Variants in OSBPL2 observed in about 807,000 individuals in gnomAD.
OSBPL2 encodes oxysterol binding protein like 2.
A neutral mutation model predicts 58.4 loss-of-function variants in OSBPL2; 18 were observed. The ratio of observed to expected loss-of-function variants is 0.31; its 90% CI spans 0.21 to 0.46. The LOEUF (loss-of-function observed/expected upper bound fraction) is 0.46. Among genes scored for constraint, OSBPL2 ranks in the 20% least tolerant of loss-of-function variants. The probability of loss-of-function intolerance (pLI) is 1.00; values close to 1 mark genes in which losing one functional copy is unlikely to be tolerated. For synonymous variants in OSBPL2, 221 were observed against 234.1 expected (o/e 0.94, Z 0.51); for missense variants, 461 against 616.5 (o/e 0.75, Z 2.67).
intron 9 of OSBPL2, among the ~76,000 whole-genome samples, chr20:62,282,788 A>G (rs1169635932): frequency 2.0e-5 from 3 of 152,216 alleles, no homozygotes; most frequent in African/African-American, 4.8e-5. Context: ...GATCACGCCA[A>G]TGCGCTCCAG....
At chr20:62,283,586 T>G (rs933292373) in intron 9 of OSBPL2, among the ~76,000 whole-genome samples, 3 of 152,172 alleles carry the variant, frequency 2.0e-5, no homozygotes, top group Admixed American at 1.3e-4. Context: ...CTGCACTGAT[T>G]GATAGAAAAG....
intron 3 of OSBPL2, 60 bp from the exon 4 acceptor site, chr20:62,263,556 C>T: frequency 7.8e-7 from 1 of 1,284,274 alleles, no homozygotes. Flanking sequence ...GCACAGCCTC[C>T]TTGAGTGGTC....
In OSBPL2 at chr20:62,272,277, C is replaced by T; in HGVS notation, c.393+18C>T. ...GGATGCAGGTGGGCCTTAGGGGTGC[C>T]AGGCAGGAGTTTGTCATGAAAGTGA... On this transcript the variant is annotated intron_variant, in intron 5 of 13. Transcript: ENST00000313733. 6.2e-7 allele frequency: 1 copy of T among 1,610,644 alleles called. No homozygotes were observed. Among genetic ancestry groups the T allele is most frequent in the Non-Finnish European group, 8.5e-7 (1 of 1,179,002 alleles).
At chr20:62,271,042 G>T (rs1300833035) in intron 4 of OSBPL2, among the ~76,000 whole-genome samples, 5 of 150,052 alleles carry the variant, frequency 3.3e-5, no homozygotes, top group South Asian at 4.3e-4. Context: ...GGTCTCTCTG[G>T]TCCTCTCCTT....
chr20:62,244,443 G>A (rs1027806769), intron 1 of OSBPL2, among the ~76,000 whole-genome samples: 4 of 152,234 alleles, frequency 2.6e-5, no homozygotes, highest in African/African-American at 9.6e-5. Flanking sequence ...ATGGCTTTCT[G>A]AGAGCAGGGC....
intron 6 of OSBPL2, among the ~76,000 whole-genome samples, chr20:62,275,549 G>T (rs1233953648): frequency 6.6e-6 from 1 of 152,102 alleles, no homozygotes; most frequent in Non-Finnish European, 1.5e-5. Flanking sequence ...CTGGGCTCAA[G>T]TTATCTTCCC....
At chr20:62,242,905 G>A (rs1390348097) in intron 1 of OSBPL2, among the ~76,000 whole-genome samples, 1 of 152,186 alleles carries the variant, frequency 6.6e-6, no homozygotes, top group African/African-American at 2.4e-5. Flanking sequence ...GTTGTGTGGA[G>A]TTTTGGTTCC....
intron 1 of OSBPL2, among the ~76,000 whole-genome samples, chr20:62,243,203 C>T (rs1979847428): frequency 6.6e-6 from 1 of 152,252 alleles, no homozygotes. Flanking sequence ...AGGACACGGG[C>T]TGCGTCTGTG....
At chr20:62,262,487 C>A (rs964623809) in intron 3 of OSBPL2, among the ~76,000 whole-genome samples, 8 of 152,244 alleles carry the variant, frequency 5.3e-5, no homozygotes, top group Non-Finnish European at 1.2e-4. Context: ...CCTGGTAGCA[C>A]CTCCGAATCA....
At chr20:62,249,320 A>G (rs2145918781) in intron 1 of OSBPL2, among the ~76,000 whole-genome samples, 1 of 152,334 alleles carries the variant, frequency 6.6e-6, no homozygotes, top group Middle Eastern at 3.4e-3. Context: ...TAGAAGTAGA[A>G]AAGGGAGAAG....
chr20:62,250,297 C>A (rs1458180363), intron 1 of OSBPL2, among the ~76,000 whole-genome samples: 2 of 152,188 alleles, frequency 1.3e-5, no homozygotes, highest in Non-Finnish European at 2.9e-5. Context: ...GAAGGAGACA[C>A]AGGGTGTGGT....
At chr20:62,247,531 C>G (rs1287918959) in intron 1 of OSBPL2, among the ~76,000 whole-genome samples, 1 of 152,200 alleles carries the variant, frequency 6.6e-6, no homozygotes, top group Non-Finnish European at 1.5e-5. Context: ...GTTTGAAAGT[C>G]TCTGCCAGTG....
Position 62,293,992 on chromosome 20 carries a change from C to T in OSBPL2, c.*105C>T. The stretch of plus-strand genomic sequence containing the variant: ...CAGCAGAAACCAACTTTTCTAACGA[C>T]TGAGTTCGCGGAGATAGCATCATCC... On this transcript the variant is annotated 3_prime_UTR_variant, in exon 14 of 14. Coordinates refer to ENST00000313733, the MANE Select transcript of OSBPL2 (RefSeq NM_144498.4). The T allele has an allele frequency of 6.9e-7, 1 of 1,452,808 alleles. No individual in the cohort carries two copies. 90.0% of individuals were successfully genotyped at this position (1,452,808 alleles called of 1,614,324 possible).
At chr20:62,268,575 C>T (rs1431298388) in intron 4 of OSBPL2, among the ~76,000 whole-genome samples, 2 of 152,156 alleles carry the variant, frequency 1.3e-5, no homozygotes, top group African/African-American at 4.8e-5. Context: ...TAGCAACATG[C>T]AGTGACTTCT....
In OSBPL2 at chr20:62,288,560, G is replaced by A. The variant is rs960840176; in HGVS notation, c.1126-647G>A. Among the ~76,000 whole-genome samples the A allele has an allele frequency of 4.6e-5, 7 of 150,982 alleles. No individual in the cohort carries two copies. Among genetic ancestry groups the A allele is most frequent in the African/African-American group, 1.5e-4 (6 of 40,942 alleles). On this transcript the variant is annotated intron_variant, in intron 11 of 13. Transcript: ENST00000313733. The surrounding 1 kb of genome is among the most constrained non-coding windows in gnomAD (Gnocchi z 4.8). ...CTGGGAGGCTGTGGGTGCAGAGGCC[G>A]GAGGCTGTGGGTGCAGAGGCTGGGA... is the stretch of plus-strand genomic sequence containing the variant.
intron 12 of OSBPL2, among the ~76,000 whole-genome samples, chr20:62,290,096 G>A (rs1983393615): frequency 6.6e-6 from 1 of 152,192 alleles, no homozygotes; most frequent in South Asian, 2.1e-4. Flanking sequence ...CACTCTCCCG[G>A]TGGGCTCTGT....
At position 62,286,590 on chromosome 20, in the gene OSBPL2, A is replaced by G. The variant is rs776484364; in HGVS notation, c.1004A>G (p.Asp335Gly). 1.2e-6 allele frequency: 2 copies of G among 1,612,628 alleles called. No homozygotes were observed. Among genetic ancestry groups the G allele is most frequent in the Non-Finnish European group, 1.7e-6 (2 of 1,179,176 alleles). ...CAGGGTTCTGTGTTTCAGGATGAAG[A>G]CTCCGGGAAGGCTGACAGCGACGTG... ...DHLRKAKLDE[D>G]SGKADSDVAD... The change falls in exon 11 of 14, where the codon GAC becomes GGC. Residue 335 changes from aspartate (D) to glycine (G), a missense_variant. Physicochemically the swap from Asp to Gly is moderately conservative, Grantham distance 94. This residue lies in a region of OSBPL2 where 319 missense variants were observed against 419.2 expected (regional missense o/e 0.76). Transcript: ENST00000313733.
At chr20:62,277,298 C>G (rs1044419282) in intron 6 of OSBPL2, among the ~76,000 whole-genome samples, 14 of 152,188 alleles carry the variant, frequency 9.2e-5, no homozygotes, top group African/African-American at 2.4e-4. Context: ...GAAAGAAGTT[C>G]TAGATGATAG....
intron 1 of OSBPL2, among the ~76,000 whole-genome samples, chr20:62,253,008 C>G (rs1357399894): frequency 6.6e-6 from 1 of 152,240 alleles, no homozygotes; most frequent in African/African-American, 2.4e-5. Flanking sequence ...GGGACACATC[C>G]AGACCATGTC....
Sources: gnomAD v4.1 joint callset for allele counts (sites outside exome capture counted in the v4.1 genomes callset) on GRCh38, gnomAD v4.1.1 for gene constraint, gnomAD v4.1.1 regional missense constraint, Gnocchi (gnomAD v3.1) non-coding constraint, MANE v1.5 for transcripts, NCBI Gene and HGNC (gene_info 2026-07-23, HGNC 2026-07-21) for gene names.